MED1: variants seen among roughly 807,000 people sequenced by gnomAD.
MED1 encodes the protein mediator complex subunit 1.
MED1 carries 17 observed loss-of-function variants against 121.3 expected under a neutral mutation model. That is an observed-to-expected ratio of 0.14 (90% CI 0.10 to 0.21). The LOEUF (loss-of-function observed/expected upper bound fraction) is 0.21, where lower values mean the gene tolerates loss of function less well. Among genes scored for constraint, MED1 ranks in the 10% least tolerant of loss-of-function variants. The probability of loss-of-function intolerance (pLI) is 1.00; values close to 1 mark genes in which losing one functional copy is unlikely to be tolerated. For missense variants in MED1, 1,558 were observed against 1,919.4 expected (o/e 0.81, Z 3.52); for synonymous variants, 661 against 694.4 (o/e 0.95, Z 0.76).
At position 39,415,517 on chromosome 17, in the gene MED1, A is replaced by C. The variant is rs1418833128; in HGVS notation, c.1298-178T>G. Among the ~76,000 whole-genome samples, 3 of 152,204 alleles carry C rather than the reference A, an allele frequency of 2.0e-5. No homozygotes were observed. In the South Asian group the frequency reaches 6.2e-4, roughly 32 times the overall value. On this transcript the variant is annotated intron_variant, in intron 14 of 16. Coordinates refer to ENST00000300651, the MANE Select transcript of MED1 (RefSeq NM_004774.4). ...GGCGAAACCCCAACTCCACTAAAAA[A>C]TAAAAAAAAGAGGCCGGATGCAGTG...
rs150659548 is a variant in MED1 at position 39,407,848 on chromosome 17, G to C, written c.4373C>G (p.Pro1458Arg). The C allele has an allele frequency of 7.4e-6, 12 of 1,614,018 alleles. No homozygotes were observed. Among genetic ancestry groups the C allele is most frequent in the Non-Finnish European group, 1.0e-5 (12 of 1,180,044 alleles). The change falls in exon 17 of 17, where the codon CCC becomes CGC. Residue 1458 changes from proline (P) to arginine (R), a missense_variant. Around this residue, in one of 5 missense-constraint regions of MED1, gnomAD observed 264 missense variants for 326.1 expected, o/e 0.81. Coordinates refer to ENST00000300651, the MANE Select transcript of MED1 (RefSeq NM_004774.4). ...PSHSKSPAYT[P>R]QNLDSESESG... ...CTCACTTTCACTGTCCAGATTCTGG[G>C]GGGTATATGCTGGTGACTTACTATG...
In MED1 at chr17:39,447,921, A is replaced by G; in HGVS notation, c.26-17T>C. On this transcript the variant is annotated splice_polypyrimidine_tract_variant and intron_variant, in intron 1 of 16. Transcript: ENST00000300651. ...TTTCTGACTCTATGATTTAAATCAG[A>G]AAACGTTATCAGTAACTGTTCTATC... The G allele has an allele frequency of 1.3e-6, 2 of 1,549,744 alleles. No individual in the cohort carries two copies. Among genetic ancestry groups the G allele is most frequent in the Non-Finnish European group, 1.8e-6 (2 of 1,123,942 alleles).
Position 39,408,768 on chromosome 17 carries a change from C to G in MED1, c.3453G>C (p.Gly1151=). The change falls in exon 17 of 17, where the codon GGG becomes GGC. Residue 1151 remains glycine, a synonymous_variant. Transcript: ENST00000300651. This position sits in a 1 kb window ranked among gnomAD's most constrained non-coding sequence, Gnocchi z 4.7. ...TGGTTATGGGAGAGGAGCCTGGCTTCCCCCCAGACTGGGATGAATTTTTGG... is the reference window on the plus strand; with the variant it reads ...TGGTTATGGGAGAGGAGCCTGGCTTGCCCCCAGACTGGGATGAATTTTTGG... ...SQSKNSSQSG[G]KPGSSPITKH... 6.2e-7 allele frequency: 1 copy of G among 1,614,014 alleles called. No homozygotes were observed. Among genetic ancestry groups the G allele is most frequent in the Non-Finnish European group, 8.5e-7 (1 of 1,179,962 alleles).
In MED1 at chr17:39,407,335, C is replaced by T; in HGVS notation, c.*140G>A. ...GTCTGGATATGCCTTTCTAATTCACCCAGCTTGATGTCAAAGCCATGCCAT... is the reference window on the plus strand; with the variant it reads ...GTCTGGATATGCCTTTCTAATTCACTCAGCTTGATGTCAAAGCCATGCCAT... On this transcript the variant is annotated 3_prime_UTR_variant, in exon 17 of 17. Transcript: ENST00000300651. 7.1e-7 allele frequency: 1 copy of T among 1,417,930 alleles called. No homozygotes were observed. The highest frequency in any genetic ancestry group is 9.2e-7 in the Non-Finnish European group (1 of 1,090,576). The allele number at this position is 1,417,930 out of a possible 1,614,324, so 87.8% of individuals were successfully genotyped here. A position where few individuals can be genotyped will look rare whatever the true frequency, so the allele number is the denominator to read the frequency against.
In MED1 at chr17:39,440,745, CAGAA is replaced by C; in HGVS notation, c.212-72_212-69del. The C allele has an allele frequency of 7.1e-7, 1 of 1,401,834 alleles. No individual in the cohort carries two copies. Among genetic ancestry groups the C allele is most frequent in the Non-Finnish European group, 9.9e-7 (1 of 1,005,956 alleles). The allele number at this position is 1,401,834 out of a possible 1,614,324, so 86.8% of individuals were successfully genotyped here. A position where few individuals can be genotyped will look rare whatever the true frequency, so the allele number is the denominator to read the frequency against. ...TGACTTAAATGATATTCTTTTAAGACAGAAAGATTCATCCTTCCAAAACCGTAAA... is the reference window on the plus strand; with the variant it reads ...TGACTTAAATGATATTCTTTTAAGACAGATTCATCCTTCCAAAACCGTAAA... On this transcript the variant is annotated intron_variant, in intron 3 of 16. Transcript: ENST00000300651. The surrounding 1 kb of genome is among the most constrained non-coding windows in gnomAD (Gnocchi z 4.1).
Position 39,440,259 on chromosome 17 carries a change from C to T in MED1, c.399+127G>A. The T allele has an allele frequency of 1.1e-6, 1 of 897,564 alleles. No individual in the cohort carries two copies. The highest frequency in any genetic ancestry group is 2.1e-5 in the South Asian group (1 of 48,076). The allele number at this position is 897,564 out of a possible 1,614,324, so 55.6% of individuals were successfully genotyped here. A position where few individuals can be genotyped will look rare whatever the true frequency, so the allele number is the denominator to read the frequency against. ...TATAGCTGTTGATTTTGTAGCCCAT[C>T]ACATCATCTCTACAGTGGCTCATGG... On this transcript the variant is annotated intron_variant, in intron 5 of 16. Transcript: ENST00000300651. This position sits in a 1 kb window ranked among gnomAD's most constrained non-coding sequence, Gnocchi z 4.1.
chr17:39,422,257 G>A (rs1183033916), intron 13 of MED1, among the ~76,000 whole-genome samples: 1 of 151,128 alleles, frequency 6.6e-6, no homozygotes, highest in Non-Finnish European at 1.5e-5. Flanking sequence ...TTCGTCTCCC[G>A]GGTTCAAGCA....
At chr17:39,449,334 C>T (rs2048759472) in intron 1 of MED1, among the ~76,000 whole-genome samples, 2 of 151,978 alleles carry the variant, frequency 1.3e-5, no homozygotes, top group Admixed American at 1.3e-4. Context: ...GCTTGTGCCA[C>T]CATGCCTAGC....
intron 3 of MED1, among the ~76,000 whole-genome samples, chr17:39,441,510 G>A (rs371076328): frequency 1.3e-5 from 2 of 152,154 alleles, no homozygotes; most frequent in African/African-American, 2.4e-5. Flanking sequence ...GGTGGCTGAC[G>A]CCTGTAATCC....
At chr17:39,423,843 A>G (rs756135312) in intron 11 of MED1, 22 bp from the exon 12 acceptor site, 2 of 1,588,834 alleles carry the variant, frequency 1.3e-6, no homozygotes, top group South Asian at 2.3e-5. Context: ...AGAGGGTGGA[A>G]GGGTTGGATT....
rs117174715 is a variant in MED1 at position 39,440,845 on chromosome 17, G to A, written c.212-168C>T. Among the ~76,000 whole-genome samples, 1,339 of 151,970 alleles carry A rather than the reference G, an allele frequency of 8.8e-3. 12 individuals are homozygous for A. Among genetic ancestry groups the A allele is most frequent in the East Asian group, 0.029 (151 of 5,168 alleles). On this transcript the variant is annotated intron_variant, in intron 3 of 16. Coordinates refer to ENST00000300651, the MANE Select transcript of MED1 (RefSeq NM_004774.4). This position sits in a 1 kb window ranked among gnomAD's most constrained non-coding sequence, Gnocchi z 4.1. Reference sequence around the variant, plus strand: ...ATTAGGGTTAGCTGTGGCCTATGCAGTACTAAAGGTCAAAAAAAAAAGATC... The same window carrying A: ...ATTAGGGTTAGCTGTGGCCTATGCAATACTAAAGGTCAAAAAAAAAAGATC...
intron 2 of MED1, among the ~76,000 whole-genome samples, chr17:39,444,249 C>T (rs987196340): frequency 6.6e-6 from 1 of 152,126 alleles, no homozygotes; most frequent in East Asian, 1.9e-4. Context: ...TGGCTCACAC[C>T]TGTAATCCCA....
intron 13 of MED1, among the ~76,000 whole-genome samples, chr17:39,420,931 G>T (rs571233448): frequency 6.6e-6 from 1 of 151,308 alleles, no homozygotes; most frequent in South Asian, 2.1e-4. Flanking sequence ...AAGTAGCTGG[G>T]ACTACAGGCG....
chr17:39,415,149 T>A lies in MED1; in HGVS notation c.1394-18A>T, dbSNP rs1260191979. Reference sequence around the variant, plus strand: ...CATTACCACTGAAAGACAAAATACATAGGAAATTGTTTTAGATTTAGCTTC... The same window carrying A: ...CATTACCACTGAAAGACAAAATACAAAGGAAATTGTTTTAGATTTAGCTTC... On this transcript the variant is annotated intron_variant, in intron 15 of 16. Coordinates refer to ENST00000300651, the MANE Select transcript of MED1 (RefSeq NM_004774.4). 8 of 1,611,994 alleles carry A rather than the reference T, an allele frequency of 5.0e-6. No individual in the cohort carries two copies. The highest frequency in any genetic ancestry group is 6.8e-6 in the Non-Finnish European group (8 of 1,178,210).
At chr17:39,424,305 A>T (rs2048493985) in intron 11 of MED1, among the ~76,000 whole-genome samples, 1 of 152,214 alleles carries the variant, frequency 6.6e-6, no homozygotes, top group Admixed American at 6.5e-5. Context: ...ACACTGTAGA[A>T]TTTAATCAAA....
chr17:39,417,145 C>T (rs2048417271), intron 14 of MED1, among the ~76,000 whole-genome samples: 1 of 151,714 alleles, frequency 6.6e-6, no homozygotes, highest in Admixed American at 6.6e-5. Flanking sequence ...GCCTGGCCAA[C>T]TCGACGAAAC....
Position 39,405,429 on chromosome 17 carries a change from C to A in MED1, c.*2046G>T, listed in dbSNP as rs930668884. ...AGTACATTCCCCCTAAGATTCTCCC[C>A]ACTCAGAACAAATTTTAAAAACCAC... On this transcript the variant is annotated 3_prime_UTR_variant, in exon 17 of 17. Transcript: ENST00000300651. 1.4e-6 allele frequency: 2 copies of A among 1,394,650 alleles called. No individual in the cohort carries two copies. The highest frequency in any genetic ancestry group is 1.5e-5 in the African/African-American group (1 of 68,050). 86.4% of individuals were successfully genotyped at this position (1,394,650 alleles called of 1,614,324 possible).
intron 10 of MED1, 44 bp downstream of exon 10, chr17:39,427,657 G>A: frequency 7.1e-7 from 1 of 1,404,282 alleles, no homozygotes; most frequent in Non-Finnish European, 1.0e-6. Context: ...AGGCAAGCTG[G>A]GCACCGAACA....
rs781335620 is a variant in MED1, at chr17:39,431,157, T to C, written c.607A>G (p.Ile203Val). Residue 203 changes from isoleucine to valine, a missense_variant, in exon 9 of 17, where the codon ATT becomes GTT. Coordinates refer to ENST00000300651, the MANE Select transcript of MED1 (RefSeq NM_004774.4). ...KATNAGPLDK[I>V]LHGSVGYLTP... is the part of the protein sequence containing the mutation. Reference sequence around the variant, plus strand: ...AGATAGCCAACACTTCCATGAAGAATCTTATCCAAGGGACCAGCATTAGTT... The same window carrying C: ...AGATAGCCAACACTTCCATGAAGAACCTTATCCAAGGGACCAGCATTAGTT... 1.7e-5 allele frequency: 27 copies of C among 1,613,604 alleles called. No individual in the cohort carries two copies. Among genetic ancestry groups the C allele is most frequent in the Non-Finnish European group, 2.3e-5 (27 of 1,179,624 alleles).
Sources: gnomAD v4.1 joint callset for allele counts (sites outside exome capture counted in the v4.1 genomes callset) on GRCh38, gnomAD v4.1.1 for gene constraint, gnomAD v4.1.1 regional missense constraint, Gnocchi (gnomAD v3.1) non-coding constraint, MANE v1.5 for transcripts, NCBI Gene and HGNC (gene_info 2026-07-23, HGNC 2026-07-21) for gene names.